LTBP1: variants seen among roughly 807,000 people sequenced by gnomAD.
LTBP1 encodes the protein latent transforming growth factor beta binding protein 1, also known as latent-transforming growth factor beta-binding protein 1.
Under a neutral mutation model 207.6 loss-of-function variants are expected in LTBP1, and 129 were observed. The ratio of observed to expected loss-of-function variants is 0.62; its 90% CI spans 0.54 to 0.72. The LOEUF (loss-of-function observed/expected upper bound fraction) is 0.72, where lower values mean the gene tolerates loss of function less well. LTBP1 is among the 30% of genes least tolerant of loss of function. The pLI is 0.00. For missense variants in LTBP1, 2,281 were observed against 2,217.2 expected (o/e 1.03, Z -0.58); for synonymous variants, 963 against 833.7 (o/e 1.16, Z -2.67).
At chr2:32,988,178 G>A (rs1304885362) in intron 2 of LTBP1, among the ~76,000 whole-genome samples, 1 of 152,294 alleles carries the variant, frequency 6.6e-6, no homozygotes, top group East Asian at 1.9e-4. Flanking sequence ...TATGGATTTT[G>A]GACTTCTAAG....
intron 5 of LTBP1, among the ~76,000 whole-genome samples, chr2:33,170,503 A>G (rs2085333580): frequency 6.6e-6 from 1 of 152,230 alleles, no homozygotes; most frequent in Non-Finnish European, 1.5e-5. Flanking sequence ...GCAGCCTGGA[A>G]GCTCGAACTG....
chr2:33,041,966 C>T (rs190698220), intron 3 of LTBP1, among the ~76,000 whole-genome samples: 14 of 152,208 alleles, frequency 9.2e-5, no homozygotes, highest in Admixed American at 2.6e-4. Flanking sequence ...CCTTACCAGC[C>T]GTGTATGAAA....
chr2:33,115,225 G>A (rs1343516557), intron 4 of LTBP1, among the ~76,000 whole-genome samples: 1 of 152,122 alleles, frequency 6.6e-6, no homozygotes. Flanking sequence ...CAAGCCAAGT[G>A]AAAGATTCCA....
At chr2:33,118,985 G>A (rs576250546) in intron 4 of LTBP1, among the ~76,000 whole-genome samples, 15 of 152,218 alleles carry the variant, frequency 9.9e-5, no homozygotes, top group African/African-American at 3.4e-4. Context: ...AAACCTTCTA[G>A]GGTGAAGGAT....
chr2:33,316,246 A>G (rs1375117912), intron 24 of LTBP1, among the ~76,000 whole-genome samples: 3 of 152,214 alleles, frequency 2.0e-5, no homozygotes, highest in Non-Finnish European at 4.4e-5. Flanking sequence ...ATTTCAGTTG[A>G]TCTCTTTTGA....
intron 3 of LTBP1, among the ~76,000 whole-genome samples, chr2:33,092,741 G>A (rs2079170083): frequency 6.6e-6 from 1 of 152,144 alleles, no homozygotes. Context: ...AGAAGAACTT[G>A]AAATCCTCTC....
intron 8 of LTBP1, among the ~76,000 whole-genome samples, chr2:33,220,065 C>T (rs2091001478): frequency 6.6e-6 from 1 of 152,144 alleles, no homozygotes; most frequent in Admixed American, 6.5e-5. Flanking sequence ...TATGTTGGCT[C>T]ATTTAATGTA....
intron 20 of LTBP1, among the ~76,000 whole-genome samples, chr2:33,296,845 C>T (rs1214557614): frequency 2.6e-5 from 4 of 151,952 alleles, no homozygotes; most frequent in Non-Finnish European, 1.5e-5. Context: ...TTCTCATCTG[C>T]AAATAAAAGG....
chr2:33,327,110 C>T (rs1250778083), intron 24 of LTBP1, among the ~76,000 whole-genome samples: 1 of 152,076 alleles, frequency 6.6e-6, no homozygotes, highest in Non-Finnish European at 1.5e-5. Context: ...GGAACCAGGC[C>T]TTGGAGCCCA....
chr2:33,397,297 T>A lies in LTBP1; in HGVS notation c.4984+15T>A, dbSNP rs745873723. ...GACCTGTGTCGGTAAGAATGACGTGTGTTTTATGGGACATTAATTTTTTCC... is the reference window on the plus strand; with the variant it reads ...GACCTGTGTCGGTAAGAATGACGTGAGTTTTATGGGACATTAATTTTTTCC... On this transcript the variant is annotated intron_variant, in intron 33 of 33. Transcript: ENST00000404816. The A allele has an allele frequency of 6.2e-7, 1 of 1,613,792 alleles. No homozygotes were observed. Among genetic ancestry groups the A allele is most frequent in the Non-Finnish European group, 8.5e-7 (1 of 1,179,748 alleles).
rs571839747 is a variant in LTBP1 at position 33,001,052 on chromosome 2, A to C, written c.566-19857A>C. 4.2e-4 allele frequency among the ~76,000 whole-genome samples: 57 copies of C among 134,588 alleles called. 9 individuals carry two copies. Among genetic ancestry groups the C allele is most frequent in the South Asian group, 1.6e-3 (6 of 3,826 alleles). 88.3% of individuals were successfully genotyped at this position (134,588 alleles called of 152,430 possible). A position where few individuals can be genotyped will look rare whatever the true frequency, so the allele number is the denominator to read the frequency against. On this transcript the variant is annotated intron_variant, in intron 2 of 33. Coordinates refer to ENST00000404816, the MANE Select transcript of LTBP1 (RefSeq NM_206943.4). Reference sequence around the variant, plus strand: ...AGGACAGCCTCTCGCCCTTGTGACCACCTGTCCTTCCTGACACGCTGACCT... The same window carrying C: ...AGGACAGCCTCTCGCCCTTGTGACCCCCTGTCCTTCCTGACACGCTGACCT...
At chr2:33,266,942 A>G (rs2603361) in intron 15 of LTBP1, among the ~76,000 whole-genome samples, 97,633 of 152,094 alleles carry the variant, frequency 0.64, 32,142 homozygotes, top group East Asian at 0.92. Flanking sequence ...CCGAGAAGGG[A>G]AGAAGAGCTG....
intron 5 of LTBP1, among the ~76,000 whole-genome samples, chr2:33,159,085 T>C (rs936460873): frequency 1.3e-5 from 2 of 152,158 alleles, no homozygotes; most frequent in Non-Finnish European, 2.9e-5. Flanking sequence ...GTCTGCCTAA[T>C]CTCAGCCCTG....
At chr2:33,374,923 G>T (rs1347070115) in intron 31 of LTBP1, among the ~76,000 whole-genome samples, 1 of 152,188 alleles carries the variant, frequency 6.6e-6, no homozygotes, top group African/African-American at 2.4e-5. Flanking sequence ...CTGCACTGCA[G>T]CCTGGGCAAC....
intron 31 of LTBP1, among the ~76,000 whole-genome samples, chr2:33,373,302 C>A (rs1379691556): frequency 1.3e-5 from 2 of 152,168 alleles, no homozygotes; most frequent in Admixed American, 1.3e-4. Context: ...GAACATTGAT[C>A]AACATACAGA....
chr2:33,300,335 C>A, intron 20 of LTBP1, 116 bp from the exon 21 acceptor site: 2 of 965,322 alleles, frequency 2.1e-6, no homozygotes, highest in Non-Finnish European at 3.2e-6. Flanking sequence ...TGTGTAGTGC[C>A]AGACATAAGA....
At chr2:33,326,420 C>G (rs563430633) in intron 24 of LTBP1, among the ~76,000 whole-genome samples, 5 of 152,200 alleles carry the variant, frequency 3.3e-5, no homozygotes, top group African/African-American at 1.2e-4. Flanking sequence ...AAACCACTTT[C>G]CCCATTTTCC....
intron 2 of LTBP1, among the ~76,000 whole-genome samples, chr2:32,991,039 G>A (rs550445829): frequency 6.6e-6 from 1 of 152,312 alleles, no homozygotes; most frequent in East Asian, 1.9e-4. Context: ...GAGAGCTGTA[G>A]CAAAGTTTGG....
chr2:32,960,076 C>T (rs914141263), intron 2 of LTBP1, among the ~76,000 whole-genome samples: 2 of 152,184 alleles, frequency 1.3e-5, no homozygotes, highest in African/African-American at 4.8e-5. Context: ...ACTTCACCTT[C>T]ATAAATCATT....
Sources: gnomAD v4.1 joint callset for allele counts (sites outside exome capture counted in the v4.1 genomes callset) on GRCh38, gnomAD v4.1.1 for gene constraint, MANE v1.5 for transcripts, NCBI Gene and HGNC (gene_info 2026-07-23, HGNC 2026-07-21) for gene names.